Variants in UGGT2 observed in about 807,000 individuals in gnomAD.
UGGT2 encodes the protein UDP-glucose:glycoprotein glucosyltransferase 2.
A neutral mutation model predicts 192.1 loss-of-function variants in UGGT2; 180 were observed. The observed-to-expected ratio is 0.94, with a 90% CI of 0.83 to 1.06. The LOEUF is 1.06. Among genes scored for constraint, UGGT2 ranks in the 50% least tolerant of loss-of-function variants. The pLI, the probability that UGGT2 is intolerant of heterozygous loss-of-function variation, is 0.00. For synonymous variants in UGGT2, 580 were observed against 591.0 expected (o/e 0.98, Z 0.27); for missense variants, 1,849 against 1,795.7 (o/e 1.03, Z -0.54).
At position 95,853,645 on chromosome 13, in the gene UGGT2, T is replaced by C. The variant is rs756196456; in HGVS notation, c.4182A>G (p.Val1394=). Residue 1394 remains valine, a synonymous_variant, in exon 36 of 39, where the codon GTA becomes GTG. Transcript: ENST00000376747. ...TTCTCCTGAACTTCTTGAGATCCAC[T>C]ACATATAAAGCACTGCAAAAATGAA... is the stretch of plus-strand genomic sequence containing the variant. ...RRKYHISALY[V]VDLKKFRRIG... 1.2e-5 allele frequency: 19 copies of C among 1,575,408 alleles called. No homozygotes were observed. The highest frequency in any genetic ancestry group is 2.4e-5 in the South Asian group (2 of 83,890).
chr13:96,037,372 T>C (rs1048537088), intron 1 of UGGT2, among the ~76,000 whole-genome samples: 9 of 152,230 alleles, frequency 5.9e-5, no homozygotes, highest in African/African-American at 1.7e-4. Flanking sequence ...CTATTTTTTG[T>C]ATTTTTAGTA....
intron 37 of UGGT2, among the ~76,000 whole-genome samples, chr13:95,836,648 G>C (rs1349163841): frequency 1.3e-5 from 2 of 152,182 alleles, no homozygotes; most frequent in African/African-American, 2.4e-5. Flanking sequence ...GGACACTGGG[G>C]TTTCTAATAA....
chr13:95,910,822 G>A (rs950159190), intron 20 of UGGT2, among the ~76,000 whole-genome samples: 19 of 152,078 alleles, frequency 1.2e-4, no homozygotes, highest in East Asian at 5.8e-4. Context: ...TTCTAAAATC[G>A]ACTACATAAC....
At chr13:95,836,945 C>T (rs756726811) in intron 37 of UGGT2, 141 bp downstream of exon 37, 2 of 720,744 alleles carry the variant, frequency 2.8e-6, no homozygotes, top group Non-Finnish European at 4.5e-6. Flanking sequence ...TACTTGCCAA[C>T]CTAAGTAAAT....
chr13:95,878,320 C>A (rs912130334), intron 27 of UGGT2, among the ~76,000 whole-genome samples: 2 of 152,054 alleles, frequency 1.3e-5, no homozygotes, highest in Non-Finnish European at 2.9e-5. Context: ...AATAAAAATT[C>A]GTTTTCCACT....
chr13:95,845,221 GGA>G (rs1888273319), intron 36 of UGGT2, among the ~76,000 whole-genome samples: 2 of 151,476 alleles, frequency 1.3e-5, no homozygotes, highest in Admixed American at 6.6e-5. Context: ...GGTGTTTCTC[GGA>G]GAGCGGGATT....
chr13:95,815,672 C>CTT (rs1211210289), intron 38 of UGGT2, among the ~76,000 whole-genome samples: 1 of 152,222 alleles, frequency 6.6e-6, no homozygotes. Flanking sequence ...TCTCAGTGGG[C>CTT]TTTTTTGTTT....
At chr13:95,834,403 A>G (rs1197442325) in intron 37 of UGGT2, among the ~76,000 whole-genome samples, 2 of 152,018 alleles carry the variant, frequency 1.3e-5, no homozygotes, top group Non-Finnish European at 2.9e-5. Context: ...GCTGCTGAAT[A>G]CCCAACAATG....
chr13:95,830,410 C>T (rs1269797516), intron 38 of UGGT2, among the ~76,000 whole-genome samples: 1 of 152,140 alleles, frequency 6.6e-6, no homozygotes, highest in Non-Finnish European at 1.5e-5. Context: ...CCAGAATCTA[C>T]AATGAACTTA....
intron 20 of UGGT2, among the ~76,000 whole-genome samples, chr13:95,922,457 G>C (rs1233729448): frequency 6.6e-6 from 1 of 152,072 alleles, no homozygotes; most frequent in African/African-American, 2.4e-5. Context: ...TGGAATCAAA[G>C]CTAAAAATAA....
At chr13:95,843,745 ATC>A (rs1888107915) in intron 36 of UGGT2, among the ~76,000 whole-genome samples, 1 of 151,910 alleles carries the variant, frequency 6.6e-6, no homozygotes, top group Admixed American at 6.6e-5. Context: ...CCACTGCATT[ATC>A]TTTGCACCTT....
At chr13:95,925,838 G>A (rs2048999488) in intron 19 of UGGT2, 64 bp from the exon 20 acceptor site, 1 of 1,125,588 alleles carries the variant, frequency 8.9e-7, no homozygotes, top group Non-Finnish European at 1.2e-6. Context: ...AAAAGCAGGG[G>A]AACATGTGCA....
chr13:95,804,608 A>G (rs372882425), intron 38 of UGGT2, among the ~76,000 whole-genome samples: 1 of 152,186 alleles, frequency 6.6e-6, no homozygotes, highest in Non-Finnish European at 1.5e-5. Flanking sequence ...CAAATAGCCC[A>G]ATGGAATAGA....
In UGGT2 at chr13:95,854,483, AT is replaced by A; in HGVS notation, c.4009-9del. The A allele has an allele frequency of 4.4e-6, 7 of 1,596,160 alleles. No individual in the cohort carries two copies. Among genetic ancestry groups the A allele is most frequent in the Non-Finnish European group, 6.0e-6 (7 of 1,172,916 alleles). On this transcript the variant is annotated splice_polypyrimidine_tract_variant and intron_variant, in intron 34 of 38. Coordinates refer to ENST00000376747, the MANE Select transcript of UGGT2 (RefSeq NM_020121.4). The stretch of plus-strand genomic sequence containing the variant: ...TAGATCATGTCTCACAATCTAAATA[AT>A]TAAAATAGACTGTCTGATAAAGACT...
intron 36 of UGGT2, among the ~76,000 whole-genome samples, chr13:95,853,070 G>A (rs1442483069): frequency 6.6e-6 from 1 of 152,136 alleles, no homozygotes; most frequent in East Asian, 1.9e-4. Context: ...CATGAGATCT[G>A]ATGGTTTTAA....
chr13:95,831,019 A>C (rs942808262), intron 38 of UGGT2, among the ~76,000 whole-genome samples: 1 of 152,156 alleles, frequency 6.6e-6, no homozygotes, highest in African/African-American at 2.4e-5. Context: ...TCATCAAACT[A>C]TCACAAGGAC....
intron 4 of UGGT2, among the ~76,000 whole-genome samples, chr13:96,019,255 T>C (rs1246070654): frequency 2.6e-5 from 4 of 151,946 alleles, no homozygotes; most frequent in Admixed American, 6.6e-5. Flanking sequence ...AGAGCTTGAT[T>C]ACTTGTGGCA....
At chr13:96,045,569 TTATA>T (rs1865954183) in intron 1 of UGGT2, among the ~76,000 whole-genome samples, 1 of 152,090 alleles carries the variant, frequency 6.6e-6, no homozygotes. Context: ...GATGATACGA[TTATA>T]TACCTAGAAA....
At chr13:95,856,698 A>T (rs1252180364) in intron 33 of UGGT2, 1 of 414,734 alleles carries the variant, frequency 2.4e-6, no homozygotes, top group East Asian at 7.5e-5. Flanking sequence ...CCTACATATC[A>T]AATAGTTCAT....
Sources: allele counts gnomAD v4.1 joint callset (sites outside exome capture counted in the v4.1 genomes callset), GRCh38; gene constraint gnomAD v4.1.1; transcripts MANE v1.5; gene names NCBI Gene and HGNC (gene_info 2026-07-23, HGNC 2026-07-21).